Variants in PAFAH2 observed in about 807,000 individuals in gnomAD.
The protein encoded by PAFAH2 is platelet activating factor acetylhydrolase 2.
Under a neutral mutation model 49.0 loss-of-function variants are expected in PAFAH2, and 42 were observed. The observed-to-expected ratio is 0.86, with a 90% CI of 0.67 to 1.11. PAFAH2 has a LOEUF of 1.11. Ranked by LOEUF, PAFAH2 falls within the 50% of genes least tolerant of loss-of-function variation. The pLI is 0.00. For missense variants in PAFAH2, 503 were observed against 501.8 expected (o/e 1.00, Z -0.02); for synonymous variants, 184 against 181.3 (o/e 1.01, Z -0.12).
At chr1:25,984,620 G>T in intron 4 of PAFAH2, 92 bp from the exon 5 acceptor site, 1 of 990,766 alleles carries the variant, frequency 1.0e-6, no homozygotes, top group African/African-American at 1.6e-5. Flanking sequence ...CAGCCATCTT[G>T]TGGAATTACC....
At chr1:25,963,304 T>G (rs1003540711) in intron 10 of PAFAH2, among the ~76,000 whole-genome samples, 1 of 152,130 alleles carries the variant, frequency 6.6e-6, no homozygotes, top group Non-Finnish European at 1.5e-5. Flanking sequence ...GCTAAAAATA[T>G]ATCCACAAAC....
intron 8 of PAFAH2, 66 bp from the exon 9 acceptor site, chr1:25,974,716 A>G: frequency 6.7e-7 from 1 of 1,497,208 alleles, no homozygotes; most frequent in Non-Finnish European, 9.1e-7. Flanking sequence ...AGGGTGGTGG[A>G]GGGAAGGGCG....
chr1:25,992,056 T>C (rs1406180667), intron 1 of PAFAH2, among the ~76,000 whole-genome samples: 1 of 152,024 alleles, frequency 6.6e-6, no homozygotes, highest in Non-Finnish European at 1.5e-5. Context: ...GGAGATTCAG[T>C]TATACAGATG....
At chr1:25,962,118 C>A in intron 10 of PAFAH2, 35 bp from the exon 11 acceptor site, 1 of 1,545,088 alleles carries the variant, frequency 6.5e-7, no homozygotes, top group South Asian at 1.1e-5. Flanking sequence ...TTAGGCAAAT[C>A]ATTGTGAGGT....
intron 2 of PAFAH2, among the ~76,000 whole-genome samples, chr1:25,990,187 A>C (rs535866568): frequency 5.3e-5 from 8 of 152,266 alleles, no homozygotes; most frequent in African/African-American, 1.7e-4. Flanking sequence ...GAGTCGCTTG[A>C]GGCCAGGAGT....
At chr1:25,987,042 A>G (rs2049791765) in intron 4 of PAFAH2, among the ~76,000 whole-genome samples, 1 of 149,838 alleles carries the variant, frequency 6.7e-6, no homozygotes, top group Non-Finnish European at 1.5e-5. Context: ...TCAAGAGTTT[A>G]AGACCAGGCT....
chr1:25,969,440 G>C (rs542304335), intron 10 of PAFAH2, among the ~76,000 whole-genome samples: 2 of 152,358 alleles, frequency 1.3e-5, no homozygotes, highest in East Asian at 1.9e-4. Flanking sequence ...CGCCAGCATA[G>C]TGAAGTGACT....
At chr1:25,971,986 A>G (rs1431779717) in intron 10 of PAFAH2, among the ~76,000 whole-genome samples, 1 of 152,228 alleles carries the variant, frequency 6.6e-6, no homozygotes, top group Admixed American at 6.5e-5. Flanking sequence ...TACTCCATTT[A>G]CAGGGAGGAA....
intron 10 of PAFAH2, among the ~76,000 whole-genome samples, chr1:25,963,979 T>G (rs997751988): frequency 6.6e-6 from 1 of 152,014 alleles, no homozygotes; most frequent in Non-Finnish European, 1.5e-5. Context: ...TCGAGGCTCA[T>G]GTGGTGAGAG....
chr1:25,965,362 A>G lies in PAFAH2; in HGVS notation c.1085-3279T>C, dbSNP rs190268610. Among the ~76,000 whole-genome samples the G allele has an allele frequency of 6.0e-4, 92 of 152,336 alleles. No homozygotes were observed. The East Asian group carries it at 0.017, about 29-fold the overall frequency. Reference sequence around the variant, plus strand: ...GGCTCACGCAAAGAATTCGTCCTTAAAAGCAAATGCAACAAAACCAAAAAC... The same window carrying G: ...GGCTCACGCAAAGAATTCGTCCTTAGAAGCAAATGCAACAAAACCAAAAAC... On this transcript the variant is annotated intron_variant, in intron 10 of 10. Transcript: ENST00000374282.
chr1:25,963,336 C>T (rs1040151753), intron 10 of PAFAH2, among the ~76,000 whole-genome samples: 1 of 152,106 alleles, frequency 6.6e-6, no homozygotes, highest in African/African-American at 2.4e-5. Context: ...AAACTGCTGT[C>T]CTCACAGAGC....
rs766908109 is a variant in PAFAH2, at chr1:25,972,344, C to T, written c.1084+214G>A. Among the ~76,000 whole-genome samples, 33 of 152,072 alleles carry T rather than the reference C, an allele frequency of 2.2e-4. 1 individual carries two copies. The highest frequency in any genetic ancestry group is 7.4e-5 in the Non-Finnish European group (5 of 67,986). On this transcript the variant is annotated intron_variant, in intron 10 of 10. Coordinates refer to ENST00000374282, the MANE Select transcript of PAFAH2 (RefSeq NM_000437.4). The stretch of plus-strand genomic sequence containing the variant: ...AACTCCTGGCCCCAAGCCATCCTCC[C>T]ACCTCAACCCACCAAAGTGCTAGGA...
intron 7 of PAFAH2, 35 bp downstream of exon 7, chr1:25,982,329 T>A (rs773885074): frequency 6.9e-7 from 1 of 1,452,914 alleles, no homozygotes; most frequent in Admixed American, 1.7e-5. Context: ...AAACCCTGAA[T>A]ACTGGGCTCT....
At chr1:25,966,415 T>C (rs2049423683) in intron 10 of PAFAH2, among the ~76,000 whole-genome samples, 1 of 152,150 alleles carries the variant, frequency 6.6e-6, no homozygotes, top group African/African-American at 2.4e-5. Flanking sequence ...GGTGTACAGA[T>C]ATACCATGGG....
chr1:25,988,620 A>G (rs2049822150), intron 3 of PAFAH2, among the ~76,000 whole-genome samples: 1 of 151,842 alleles, frequency 6.6e-6, no homozygotes, highest in Non-Finnish European at 1.5e-5. Context: ...CAGCCTGGCC[A>G]AGTGAAACCC....
At position 25,976,778 on chromosome 1, in the gene PAFAH2, G is replaced by A; in HGVS notation, c.667-5C>T. 6.2e-7 allele frequency: 1 copy of A among 1,612,372 alleles called. No homozygotes were observed. The highest frequency in any genetic ancestry group is 8.5e-7 in the Non-Finnish European group (1 of 1,178,468). On this transcript the variant is annotated splice_polypyrimidine_tract_variant and splice_region_variant and intron_variant, in intron 7 of 10. Coordinates refer to ENST00000374282, the MANE Select transcript of PAFAH2 (RefSeq NM_000437.4). ...ACGGCTCATGTCAATGTTGCCCTGA[G>A]GAAAGTGGAGAACTTAGCCAAGTCA...
At position 25,962,770 on chromosome 1, in the gene PAFAH2, T is replaced by C. The variant is rs577644252; in HGVS notation, c.1085-687A>G. Among the ~76,000 whole-genome samples the C allele has an allele frequency of 2.0e-5, 3 of 149,892 alleles. No homozygotes were observed. The East Asian group carries it at 5.9e-4, about 29-fold the overall frequency. Reference sequence around the variant, plus strand: ...AGGCAAGGAGTTGGCGGCAGTGAGCTGTGATAATGCCACTGCACTCCAACC... The same window carrying C: ...AGGCAAGGAGTTGGCGGCAGTGAGCCGTGATAATGCCACTGCACTCCAACC... On this transcript the variant is annotated intron_variant, in intron 10 of 10. Transcript: ENST00000374282.
intron 9 of PAFAH2, among the ~76,000 whole-genome samples, chr1:25,973,076 A>G (rs528861290): frequency 3.9e-5 from 6 of 152,334 alleles, no homozygotes; most frequent in Admixed American, 2.6e-4. Context: ...TGTTACTACA[A>G]TCTATTAGCT....
At chr1:25,996,991 T>C (rs907507711) in intron 1 of PAFAH2, among the ~76,000 whole-genome samples, 21 of 152,236 alleles carry the variant, frequency 1.4e-4, no homozygotes, top group African/African-American at 4.6e-4. Flanking sequence ...AGCCAGTGTC[T>C]ACTGAACAGG....
Sources: gnomAD v4.1 joint callset for allele counts (sites outside exome capture counted in the v4.1 genomes callset) on GRCh38, gnomAD v4.1.1 for gene constraint, MANE v1.5 for transcripts, NCBI Gene and HGNC (gene_info 2026-07-23, HGNC 2026-07-21) for gene names.